The following MYCBPAP variants were observed in gnomAD, a reference collection of about 807,000 sequenced individuals.
MYCBPAP encodes the protein MYCBP associated protein, also known as MYCBP-associated protein.
Under a neutral mutation model 106.1 loss-of-function variants are expected in MYCBPAP, and 60 were observed. That is an observed-to-expected ratio of 0.57 (90% CI 0.46 to 0.70). The LOEUF is 0.70. Among genes scored for constraint, MYCBPAP ranks in the 30% least tolerant of loss-of-function variants. The pLI, the probability that MYCBPAP is intolerant of heterozygous loss-of-function variation, is 0.00. For missense variants in MYCBPAP, 1,064 were observed against 1,169.3 expected (o/e 0.91, Z 1.31); for synonymous variants, 407 against 440.6 (o/e 0.92, Z 0.95).
rs889465115 is a variant in MYCBPAP, at chr17:50,519,416, C to T, written c.769-224C>T. 3.0e-5 allele frequency: 18 copies of T among 609,912 alleles called. No individual in the cohort carries two copies. In the African/African-American group the frequency reaches 3.3e-4, roughly 11 times the overall value. 37.8% of individuals were successfully genotyped at this position (609,912 alleles called of 1,614,324 possible). On this transcript the variant is annotated intron_variant, in intron 6 of 18. Transcript: ENST00000323776. ...CACCTTTTTTTCTGGTAGACCAGTGCAGTACCTGTACCAACCCACACCATC... is the reference window on the plus strand; with the variant it reads ...CACCTTTTTTTCTGGTAGACCAGTGTAGTACCTGTACCAACCCACACCATC...
In MYCBPAP at chr17:50,526,220, G is replaced by A; in HGVS notation, c.2122G>A (p.Gly708Ser). The change falls in exon 14 of 19, where the codon GGC (glycine) becomes AGC (serine). Residue 708 changes from glycine (G) to serine (S), a missense_variant. Gly to Ser is a moderately conservative substitution (Grantham distance 56, BLOSUM62 0). Transcript: ENST00000323776. ...DSTKSPWEPD[G>S]LPLLEWNLCL... ...CACCAAGAGCCCCTGGGAGCCGGAT[G>A]GCCTTCCCCTGCTGGAGTGGAACCT... 6.2e-7 allele frequency: 1 copy of A among 1,612,728 alleles called. No homozygotes were observed. The highest frequency in any genetic ancestry group is 8.5e-7 in the Non-Finnish European group (1 of 1,179,852).
At position 50,518,569 on chromosome 17, in the gene MYCBPAP, G is replaced by A. The variant is rs2034137602; in HGVS notation, c.497G>A (p.Cys166Tyr). The A allele has an allele frequency of 6.3e-7, 1 of 1,594,512 alleles. No individual in the cohort carries two copies. The highest frequency in any genetic ancestry group is 2.2e-5 in the East Asian group (1 of 44,816). Residue 166 changes from cysteine (C) to tyrosine (Y), a missense_variant, in exon 5 of 19, where the codon TGT becomes TAT. Cys to Tyr is a radical substitution (Grantham distance 194, BLOSUM62 -2). Transcript: ENST00000323776. ...QLAERIPTSPCLMTLISAEGE... is the reference protein window; with the variant it reads ...QLAERIPTSPYLMTLISAEGE... ...GCTGAGCGGATACCTACCTCACCCT[G>A]TCTGATGACCCTCATCTCTGCTGAA...
At chr17:50,514,037 A>C (rs982217862) in intron 1 of MYCBPAP, among the ~76,000 whole-genome samples, 1 of 152,194 alleles carries the variant, frequency 6.6e-6, no homozygotes, top group Non-Finnish European at 1.5e-5. Flanking sequence ...GGCTGAATTT[A>C]TTATTTTTTC....
In MYCBPAP at chr17:50,522,065, G is replaced by A. The variant is rs1250275776; in HGVS notation, c.1241G>A (p.Ser414Asn). Residue 414 changes from serine (S) to asparagine (N), a missense_variant, in exon 10 of 19, where the codon AGT becomes AAT. By Grantham distance (46) the Ser-to-Asn change is conservative (BLOSUM62 1). Coordinates refer to ENST00000323776, the MANE Select transcript of MYCBPAP (RefSeq NM_032133.6). ...AAGCCAGCTTGCTGGATCAGAGGCA[G>A]TAATCCACAGGACAAGGTAAAACAG... Reference protein sequence around the residue: ...CGKPACWIRGSNPQDKRQVGI... With the variant: ...CGKPACWIRGNNPQDKRQVGI... 2 of 1,613,856 alleles carry A rather than the reference G, an allele frequency of 1.2e-6. No individual in the cohort carries two copies. Among genetic ancestry groups the A allele is most frequent in the South Asian group, 1.1e-5 (1 of 91,066 alleles).
intron 14 of MYCBPAP, among the ~76,000 whole-genome samples, chr17:50,526,732 C>T (rs548653351): frequency 2.3e-4 from 35 of 152,300 alleles, no homozygotes; most frequent in African/African-American, 4.6e-4. Flanking sequence ...TACAGGCATG[C>T]GCCACCACAT....
rs61753813 is a variant in MYCBPAP, at chr17:50,526,073, C to T, written c.1975C>T (p.Arg659Trp). ...CCCCATCTCCGAAACTCAAGTGCCC[C>T]GGCCTGAGAACGAGGCCCTCAGGGA... ...RSPISETQVP[R>W]PENEALRESG... is the part of the protein sequence containing the mutation. The change falls in exon 14 of 19, where the codon CGG (arginine) becomes TGG (tryptophan). Residue 659 changes from arginine (R) to tryptophan (W), a missense_variant. Physicochemically the swap from Arg to Trp is moderately radical, Grantham distance 101. Transcript: ENST00000323776. 57,955 of 1,613,922 alleles carry T rather than the reference C, an allele frequency of 0.036. 1,259 individuals carry two copies. The highest frequency in any genetic ancestry group is 0.043 in the Non-Finnish European group (50,998 of 1,180,012).
Position 50,519,208 on chromosome 17 carries a change from A to G in MYCBPAP, c.768+119A>G, listed in dbSNP as rs1447809897. The G allele has an allele frequency of 1.5e-5, 10 of 678,668 alleles. No homozygotes were observed. In the South Asian group the frequency reaches 1.5e-4, roughly 10 times the overall value. 42.0% of individuals were successfully genotyped at this position (678,668 alleles called of 1,614,324 possible). A position where few individuals can be genotyped will look rare whatever the true frequency, so the allele number is the denominator to read the frequency against. ...TGGCACAGCTGGGGAGAAAAAACCT[A>G]TCCATTGCAAAACATCATTAGGCCC... On this transcript the variant is annotated intron_variant, in intron 6 of 18. Coordinates refer to ENST00000323776, the MANE Select transcript of MYCBPAP (RefSeq NM_032133.6).
chr17:50,530,841 A>G (rs1469827433), intron 18 of MYCBPAP, among the ~76,000 whole-genome samples: 1 of 152,004 alleles, frequency 6.6e-6, no homozygotes, highest in African/African-American at 2.4e-5. Context: ...TGAACAACTT[A>G]GCTCTAGTAT....
chr17:50,513,941 G>GT (rs1394136891), intron 1 of MYCBPAP, among the ~76,000 whole-genome samples: 1 of 152,216 alleles, frequency 6.6e-6, no homozygotes, highest in Non-Finnish European at 1.5e-5. Context: ...CTGCATGTGT[G>GT]TTTGTGTGCA....
At chr17:50,519,394 CT>C (rs2034174638) in intron 6 of MYCBPAP, 8 of 591,160 alleles carry the variant, frequency 1.4e-5, no homozygotes, top group Admixed American at 3.0e-5. Flanking sequence ...AGTCCCCCAC[CT>C]TTTTTTCTGG....
In MYCBPAP at chr17:50,518,998, A is replaced by AGCT. The variant is rs1349030225; in HGVS notation, c.681_683dup (p.Leu228dup). 2.5e-6 allele frequency: 4 copies of AGCT among 1,613,986 alleles called. No individual in the cohort carries two copies. Among genetic ancestry groups the AGCT allele is most frequent in the Non-Finnish European group, 3.4e-6 (4 of 1,180,024 alleles). ...GAACACCTAAAGAAGCCAGTGAGTG[A>AGCT]GCTGCTCATGCACACCGGGGAGACC... On this transcript the variant is annotated inframe_insertion, in exon 6 of 19. Transcript: ENST00000323776.
intron 9 of MYCBPAP, 48 bp downstream of exon 9, chr17:50,521,479 C>A (rs1258719005): frequency 1.7e-5 from 23 of 1,364,038 alleles, no homozygotes; most frequent in Non-Finnish European, 2.4e-5. Flanking sequence ...AGTTCTCCAG[C>A]ACCTACCAGT....
rs568444585 is a variant in MYCBPAP at position 50,519,364 on chromosome 17, C to A, written c.768+275C>A. The A allele has an allele frequency of 4.8e-4, 280 of 583,874 alleles. 1 individual carries two copies. The highest frequency in any genetic ancestry group is 1.2e-4 in the Admixed American group (4 of 32,840). 36.2% of individuals were successfully genotyped at this position (583,874 alleles called of 1,614,324 possible). On this transcript the variant is annotated intron_variant, in intron 6 of 18. Transcript: ENST00000323776. ...AGCTTAGACTGAGTGGAGCCTACAC[C>A]CTAAAGAGAGAGGTTGAAGAGTCCC...
Position 50,518,457 on chromosome 17 carries a change from C to T in MYCBPAP, c.469-84C>T, listed in dbSNP as rs530354827. Reference sequence around the variant, plus strand: ...CTCTCAGCGCAGTGGGATAACAGCACGGGTTTAGGCCTCGGGAAATGTGTG... The same window carrying T: ...CTCTCAGCGCAGTGGGATAACAGCATGGGTTTAGGCCTCGGGAAATGTGTG... On this transcript the variant is annotated intron_variant, in intron 4 of 18. Transcript: ENST00000323776. The T allele has an allele frequency of 2.3e-4, 287 of 1,240,944 alleles. 1 individual carries two copies. The highest frequency in any genetic ancestry group is 2.9e-4 in the Non-Finnish European group (269 of 913,708). 76.9% of individuals were successfully genotyped at this position (1,240,944 alleles called of 1,614,324 possible).
chr17:50,514,680 A>G (rs1006563758), intron 1 of MYCBPAP, among the ~76,000 whole-genome samples: 4 of 151,664 alleles, frequency 2.6e-5, no homozygotes, highest in African/African-American at 9.7e-5. Flanking sequence ...TTTCTTAGAG[A>G]CAGGGTCTTG....
intron 1 of MYCBPAP, chr17:50,515,023 C>G (rs1321663362): frequency 3.3e-6 from 1 of 298,624 alleles, no homozygotes; most frequent in Non-Finnish European, 7.1e-6. Context: ...TGCCTCTTCC[C>G]TCCCACCTCA....
At chr17:50,519,882 G>T in intron 7 of MYCBPAP, 95 bp downstream of exon 7, 1 of 1,381,808 alleles carries the variant, frequency 7.2e-7, no homozygotes, top group Non-Finnish European at 9.7e-7. Flanking sequence ...AGTGAAACAG[G>T]CCCAGGGCCT....
intron 1 of MYCBPAP, among the ~76,000 whole-genome samples, chr17:50,511,697 T>G (rs1456717954): frequency 6.6e-6 from 1 of 152,048 alleles, no homozygotes; most frequent in Non-Finnish European, 1.5e-5. Context: ...AAGGGAGAAA[T>G]GTCAGCTGGG....
intron 10 of MYCBPAP, 187 bp from the exon 11 acceptor site, chr17:50,522,752 G>T: frequency 3.4e-6 from 1 of 296,862 alleles, no homozygotes; most frequent in Non-Finnish European, 5.9e-6. Context: ...TCTTGCTATT[G>T]AGGGTAACCT....
Sources: allele counts gnomAD v4.1 joint callset (sites outside exome capture counted in the v4.1 genomes callset), GRCh38; gene constraint gnomAD v4.1.1; transcripts MANE v1.5; gene names NCBI Gene and HGNC (gene_info 2026-07-23, HGNC 2026-07-21).